The following FBXO45 variants were observed in gnomAD, a reference collection of about 807,000 sequenced individuals.
The protein encoded by FBXO45 is F-box protein 45.
A neutral mutation model predicts 25.5 loss-of-function variants in FBXO45; 3 were observed. The ratio of observed to expected loss-of-function variants is 0.12; its 90% CI spans 0.05 to 0.30. The LOEUF (loss-of-function observed/expected upper bound fraction) is 0.30, where lower values mean the gene tolerates loss of function less well. Among genes scored for constraint, FBXO45 ranks in the 10% least tolerant of loss-of-function variants. The pLI is 1.00. For synonymous variants in FBXO45, 155 were observed against 149.8 expected (o/e 1.03, Z -0.25); for missense variants, 219 against 365.0 (o/e 0.60, Z 3.26).
Position 196,588,641 on chromosome 3 carries a change from T to C in FBXO45, c.*4323T>C, listed in dbSNP as rs1192393866. 2 of 152,254 alleles carry C rather than the reference T, an allele frequency of 1.3e-5. No homozygotes were observed. The highest frequency in any genetic ancestry group is 6.5e-5 in the Admixed American group (1 of 15,288). The allele number at this position is 152,254 out of a possible 1,614,324, so 9.4% of individuals were successfully genotyped here. A position where few individuals can be genotyped will look rare whatever the true frequency, so the allele number is the denominator to read the frequency against. ...TTTAAAATTATTTATTGATTATTTA[T>C]TGGTGTCATATCGCCCCTAAACTGG... On this transcript the variant is annotated 3_prime_UTR_variant, in exon 3 of 3. Transcript: ENST00000311630. This position sits in a 1 kb window ranked among gnomAD's most constrained non-coding sequence, Gnocchi z 4.2.
In FBXO45 at chr3:196,577,761, A is replaced by T. The variant is rs1429201319; in HGVS notation, c.627A>T (p.Gly209=). ...NLVDNNLLHN[G]EVNGSFPQCN... ...TGGACAATAATCTACTACATAATGG[A>T]GAAGTCAATGGCAGTTTTCCACAGT... The change falls in exon 2 of 3, where the codon GGA becomes GGT. Residue 209 remains glycine, a synonymous_variant. Transcript: ENST00000311630. 6.2e-7 allele frequency: 1 copy of T among 1,612,632 alleles called. No homozygotes were observed. Among genetic ancestry groups the T allele is most frequent in the South Asian group, 1.1e-5 (1 of 91,044 alleles).
intron 1 of FBXO45, among the ~76,000 whole-genome samples, chr3:196,572,918 A>C (rs1251324370): frequency 6.6e-6 from 1 of 152,070 alleles, no homozygotes; most frequent in Non-Finnish European, 1.5e-5. Context: ...TGTAGAGATC[A>C]GTTGATCTAG....
At chr3:196,570,067 T>C (rs1429600678) in intron 1 of FBXO45, among the ~76,000 whole-genome samples, 1 of 152,168 alleles carries the variant, frequency 6.6e-6, no homozygotes, top group Non-Finnish European at 1.5e-5. Context: ...AATAAAAATG[T>C]CAAGGAACAA....
rs1318938537 is a variant in FBXO45 at position 196,578,059 on chromosome 3, T to TTTTTTTTTTTTTTTA, written c.675+250_675+251insTTTTTTTTTTTTTTA. ...CAGAAAAATATTCTTTTTTTTTTTT[T>TTTTTTTTTTTTTTTA]AGACAGAATCTCACTCCGTTGCCCA... On this transcript the variant is annotated intron_variant, in intron 2 of 2. Coordinates refer to ENST00000311630, the MANE Select transcript of FBXO45 (RefSeq NM_001105573.2). Among the ~76,000 whole-genome samples the TTTTTTTTTTTTTTTA allele has an allele frequency of 1.7e-4, 26 of 148,832 alleles. 1 individual carries two copies. Among genetic ancestry groups the TTTTTTTTTTTTTTTA allele is most frequent in the Non-Finnish European group, 1.2e-4 (8 of 67,394 alleles).
At chr3:196,573,519 G>A (rs1735862738) in intron 1 of FBXO45, among the ~76,000 whole-genome samples, 1 of 152,168 alleles carries the variant, frequency 6.6e-6, no homozygotes, top group Non-Finnish European at 1.5e-5. Flanking sequence ...AGATACTTAA[G>A]ACTGGAACAG....
In FBXO45 at chr3:196,569,929, G is replaced by A. The variant is rs923464889; in HGVS notation, c.318+627G>A. 1.3e-5 allele frequency among the ~76,000 whole-genome samples: 2 copies of A among 152,166 alleles called. No homozygotes were observed. The highest frequency in any genetic ancestry group is 4.8e-5 in the African/African-American group (2 of 41,436). On this transcript the variant is annotated intron_variant, in intron 1 of 2. Transcript: ENST00000311630. The surrounding 1 kb of genome is among the most constrained non-coding windows in gnomAD (Gnocchi z 4.1). Reference sequence around the variant, plus strand: ...ATACTGCTTTGTCCTGCTGTTATTGGCTGTTTCCTTGCTAACTTTTTAATA... The same window carrying A: ...ATACTGCTTTGTCCTGCTGTTATTGACTGTTTCCTTGCTAACTTTTTAATA...
intron 1 of FBXO45, among the ~76,000 whole-genome samples, chr3:196,572,327 A>G (rs900490764): frequency 2.0e-5 from 3 of 152,252 alleles, no homozygotes; most frequent in African/African-American, 7.2e-5. Context: ...TATTAATCAA[A>G]TAATCACACA....
chr3:196,573,601 T>G (rs1209757181), intron 1 of FBXO45, among the ~76,000 whole-genome samples: 1 of 152,170 alleles, frequency 6.6e-6, no homozygotes, highest in Non-Finnish European at 1.5e-5. Flanking sequence ...GACAGCTGAC[T>G]GGGTGAATGG....
rs375763227 is a variant in FBXO45, at chr3:196,572,639, G to A, written c.318+3337G>A. The stretch of plus-strand genomic sequence containing the variant: ...CCAAAGCGTAGGGAAGCCATTTTGA[G>A]TTGTAAGCAAGAAGGATTTGAGGTG... On this transcript the variant is annotated intron_variant, in intron 1 of 2. Coordinates refer to ENST00000311630, the MANE Select transcript of FBXO45 (RefSeq NM_001105573.2). 3.9e-5 allele frequency among the ~76,000 whole-genome samples: 6 copies of A among 152,164 alleles called. No individual in the cohort carries two copies. The East Asian group carries it at 1.2e-3, about 29-fold the overall frequency.
At chr3:196,581,222 C>CTTTTT (rs1560319177) in intron 2 of FBXO45, among the ~76,000 whole-genome samples, 2 of 75,920 alleles carry the variant, frequency 2.6e-5, no homozygotes, top group Non-Finnish European at 5.6e-5. Context: ...TTTTCTTTTT[C>CTTTTT]CTTTTTTTTT....
Position 196,584,078 on chromosome 3 carries a change from C to A in FBXO45, c.676-55C>A, listed in dbSNP as rs73891295. 1.3e-6 allele frequency: 2 copies of A among 1,519,532 alleles called. No homozygotes were observed. Among genetic ancestry groups the A allele is most frequent in the Admixed American group, 2.0e-5 (1 of 49,686 alleles). 94.1% of individuals were successfully genotyped at this position (1,519,532 alleles called of 1,614,324 possible). ...CAACTTCTTGATTTGTGTCTTGTTTCTTCTAGCTACACCCTTGGCAGATTT... is the reference window on the plus strand; with the variant it reads ...CAACTTCTTGATTTGTGTCTTGTTTATTCTAGCTACACCCTTGGCAGATTT... On this transcript the variant is annotated intron_variant, in intron 2 of 2. Transcript: ENST00000311630. The surrounding 1 kb of genome is among the most constrained non-coding windows in gnomAD (Gnocchi z 4.3).
chr3:196,581,356 G>T (rs1262047960), intron 2 of FBXO45, among the ~76,000 whole-genome samples: 1 of 146,112 alleles, frequency 6.8e-6, no homozygotes, highest in Admixed American at 7.2e-5. Context: ...TCAGCCTCCT[G>T]AGTAGCTGGG....
rs961705838 is a variant in FBXO45, at chr3:196,588,561, T to C, written c.*4243T>C. On this transcript the variant is annotated 3_prime_UTR_variant, in exon 3 of 3. Transcript: ENST00000311630. The surrounding 1 kb of genome is among the most constrained non-coding windows in gnomAD (Gnocchi z 4.2). Reference sequence around the variant, plus strand: ...AGCTGAATGTAATCTCTCCTTGAAATTTCCCTAGTTTTATATATCTATAGT... The same window carrying C: ...AGCTGAATGTAATCTCTCCTTGAAACTTCCCTAGTTTTATATATCTATAGT... 6.6e-5 allele frequency: 10 copies of C among 152,208 alleles called. No homozygotes were observed. The highest frequency in any genetic ancestry group is 2.4e-4 in the African/African-American group (10 of 41,454). The allele number at this position is 152,208 out of a possible 1,614,324, so 9.4% of individuals were successfully genotyped here.
At chr3:196,581,289 G>T (rs1449396369) in intron 2 of FBXO45, among the ~76,000 whole-genome samples, 1 of 121,916 alleles carries the variant, frequency 8.2e-6, no homozygotes, top group Non-Finnish European at 1.6e-5. Context: ...GGAGTGCAGT[G>T]GCACGATCTG....
chr3:196,578,009 G>A (rs1441593883), intron 2 of FBXO45, among the ~76,000 whole-genome samples, 200 bp downstream of exon 2: 2 of 111,550 alleles, frequency 1.8e-5, no homozygotes, highest in African/African-American at 7.0e-5. Flanking sequence ...ATTTTGTTGG[G>A]TGTTATATTT....
rs1735934141 is a variant in FBXO45 at position 196,577,457 on chromosome 3, G to A, written c.323G>A (p.Arg108His). The A allele has an allele frequency of 2.6e-6, 4 of 1,567,420 alleles. No individual in the cohort carries two copies. The highest frequency in any genetic ancestry group is 2.3e-5 in the East Asian group (1 of 43,906). Reference protein sequence around the residue: ...CNLPSYKAKIRAFQHAFSTND... With the variant: ...CNLPSYKAKIHAFQHAFSTND... Reference sequence around the variant, plus strand: ...GTCTGTTTTTCATCTTTTTAGATACGTGCTTTTCAACATGCCTTCAGCACT... The same window carrying A: ...GTCTGTTTTTCATCTTTTTAGATACATGCTTTTCAACATGCCTTCAGCACT... The change falls in exon 2 of 3, where the codon CGT becomes CAT. Residue 108 changes from arginine to histidine, a missense_variant. By Grantham distance (29) the Arg-to-His change is conservative (BLOSUM62 0). Around this residue, in one of 4 missense-constraint regions of FBXO45, gnomAD observed 138 missense variants for 157.3 expected, o/e 0.88. Transcript: ENST00000311630.
At chr3:196,574,692 G>A (rs902968791) in intron 1 of FBXO45, among the ~76,000 whole-genome samples, 3 of 152,196 alleles carry the variant, frequency 2.0e-5, no homozygotes, top group African/African-American at 7.2e-5. Context: ...GTGGTTAAAA[G>A]TGTGTTAGAA....
Position 196,588,810 on chromosome 3 carries a change from T to C in FBXO45, c.*4492T>C, listed in dbSNP as rs565780893. On this transcript the variant is annotated 3_prime_UTR_variant, in exon 3 of 3. Coordinates refer to ENST00000311630, the MANE Select transcript of FBXO45 (RefSeq NM_001105573.2). This position sits in a 1 kb window ranked among gnomAD's most constrained non-coding sequence, Gnocchi z 4.2. Reference sequence around the variant, plus strand: ...AAGTTTTAGACTATAGAAGCAAAAATTATAGTAGCAAAAGATGAATGAGAA... The same window carrying C: ...AAGTTTTAGACTATAGAAGCAAAAACTATAGTAGCAAAAGATGAATGAGAA... 1 of 152,044 alleles carries C rather than the reference T, an allele frequency of 6.6e-6. No individual in the cohort carries two copies. Among genetic ancestry groups the C allele is most frequent in the South Asian group, 2.1e-4 (1 of 4,818 alleles). 9.4% of individuals were successfully genotyped at this position (152,044 alleles called of 1,614,324 possible).
Position 196,584,418 on chromosome 3 carries a change from C to T in FBXO45, c.*100C>T, listed in dbSNP as rs1037706103. The T allele has an allele frequency of 1.1e-5, 12 of 1,046,936 alleles. No individual in the cohort carries two copies. The highest frequency in any genetic ancestry group is 1.3e-5 in the Non-Finnish European group (10 of 741,634). The allele number at this position is 1,046,936 out of a possible 1,614,324, so 64.9% of individuals were successfully genotyped here. On this transcript the variant is annotated 3_prime_UTR_variant, in exon 3 of 3. Coordinates refer to ENST00000311630, the MANE Select transcript of FBXO45 (RefSeq NM_001105573.2). This position sits in a 1 kb window ranked among gnomAD's most constrained non-coding sequence, Gnocchi z 4.3. ...TCACACATGCATGTCCAAGAAACAT[C>T]CTGAAAACACATGAAGTCGTAAACT...
Sources: allele counts gnomAD v4.1 joint callset (sites outside exome capture counted in the v4.1 genomes callset), GRCh38; gene constraint gnomAD v4.1.1; regional missense constraint gnomAD v4.1.1; non-coding constraint Gnocchi (gnomAD v3.1); transcripts MANE v1.5; gene names NCBI Gene and HGNC (gene_info 2026-07-23, HGNC 2026-07-21).